The following DMD variants were observed in gnomAD, a reference collection of about 807,000 sequenced individuals.
DMD encodes dystrophin.
DMD carries 63 observed loss-of-function variants against 330.1 expected under a neutral mutation model. That is an observed-to-expected ratio of 0.19 (90% confidence interval 0.16 to 0.24). DMD has a LOEUF of 0.24. DMD is among the 10% of genes least tolerant of loss of function. The pLI, the probability that DMD is intolerant of heterozygous loss-of-function variation, is 1.00. For missense variants in DMD, 3,344 were observed against 2,684.1 expected (o/e 1.25, Z -5.43); for synonymous variants, 1,223 against 959.8 (o/e 1.27, Z -5.07).
At chrX:31,481,428 G>T (rs2068280481) in intron 57 of DMD, among the ~76,000 whole-genome samples, 1 of 111,830 alleles carries the variant, frequency 8.9e-6, no homozygotes, top group South Asian at 3.7e-4. Context: ...TCAGGGCAAT[G>T]GTACCAGGAA....
At chrX:32,554,821 GGAGGGGGAGGGAGAGAGAGAGA>G (rs1415421372) in intron 16 of DMD, among the ~76,000 whole-genome samples, 5 of 7,846 alleles carry the variant, frequency 6.4e-4, no homozygotes, top group East Asian at 0.023. Context: ...AGGGAGGGAG[GGAGGGGGAGGGAGAGAGAGAGA>G]GAGAGAGAGA....
chrX:32,336,579 G>A (rs909218558), intron 41 of DMD, among the ~76,000 whole-genome samples: 4 of 111,232 alleles, frequency 3.6e-5, no homozygotes, highest in Non-Finnish European at 7.5e-5. Flanking sequence ...AGAAGTAACC[G>A]TAAGAGAAAC....
intron 43 of DMD, among the ~76,000 whole-genome samples, chrX:32,255,616 C>A (rs913936330): frequency 1.8e-5 from 2 of 111,942 alleles, no homozygotes; most frequent in Non-Finnish European, 3.8e-5. Context: ...AGTTAAAAGA[C>A]CTTTCATGTT....
chrX:32,735,790 T>G (rs971315451), intron 7 of DMD, among the ~76,000 whole-genome samples: 1 of 111,751 alleles, frequency 8.9e-6, no homozygotes, highest in Non-Finnish European at 1.9e-5. Context: ...AACTTAAACG[T>G]TAGACCTAAA....
At chrX:32,550,968 T>C (rs965347295) in intron 16 of DMD, among the ~76,000 whole-genome samples, 1 of 110,552 alleles carries the variant, frequency 9.0e-6, no homozygotes, top group African/African-American at 3.3e-5. Context: ...AGACCAATAA[T>C]GAGTTCCGAA....
At chrX:31,785,550 A>G (rs186036252) in intron 50 of DMD, among the ~76,000 whole-genome samples, 1 of 111,156 alleles carries the variant, frequency 9.0e-6, no homozygotes, top group Non-Finnish European at 1.9e-5. Context: ...GGTTTGCTGT[A>G]CCCATCAACC....
At chrX:32,617,418 A>C (rs1233736393) in intron 11 of DMD, among the ~76,000 whole-genome samples, 1 of 111,546 alleles carries the variant, frequency 9.0e-6, no homozygotes, top group Non-Finnish European at 1.9e-5. Context: ...ATGCATTTGC[A>C]TTCAACTGAT....
At chrX:31,372,374 G>C (rs2059639115) in intron 60 of DMD, among the ~76,000 whole-genome samples, 1 of 111,828 alleles carries the variant, frequency 8.9e-6, no homozygotes, top group African/African-American at 3.3e-5. Context: ...GTGTCAGCGG[G>C]AATGATAAGG....
intron 2 of DMD, among the ~76,000 whole-genome samples, chrX:32,976,443 A>T (rs1318128501): frequency 1.8e-5 from 2 of 111,649 alleles, no homozygotes; most frequent in African/African-American, 6.5e-5. Context: ...CAGCCTGTTT[A>T]TAAGTATGTG....
intron 55 of DMD, among the ~76,000 whole-genome samples, chrX:31,608,756 T>C (rs754399440): frequency 5.4e-5 from 6 of 110,929 alleles, no homozygotes; most frequent in Non-Finnish European, 1.1e-4. Flanking sequence ...TATAGATCTC[T>C]TAAGGCCTAG....
intron 9 of DMD, among the ~76,000 whole-genome samples, chrX:32,654,399 G>T (rs1230019006): frequency 9.9e-5 from 11 of 111,588 alleles, no homozygotes; most frequent in African/African-American, 2.3e-4. Flanking sequence ...CTGCATCTAT[G>T]GAGATAATCA....
chrX:32,789,857 C>T (rs6653889), intron 7 of DMD, among the ~76,000 whole-genome samples: 3,294 of 111,704 alleles, frequency 0.029, 136 homozygotes, highest in African/African-American at 0.1. Context: ...AAAATCTTTG[C>T]AGGGGAAAAA....
chrX:33,167,553 T>G (rs1249417787), intron 1 of DMD, among the ~76,000 whole-genome samples: 1 of 111,408 alleles, frequency 9.0e-6, no homozygotes, highest in Non-Finnish European at 1.9e-5. Flanking sequence ...TCTTTTTGTC[T>G]GTATTTTAGA....
intron 47 of DMD, among the ~76,000 whole-genome samples, chrX:31,900,686 TAC>T (rs2094410825): frequency 9.0e-6 from 1 of 111,492 alleles, no homozygotes; most frequent in African/African-American, 3.3e-5. Context: ...CAGAGTCTGG[TAC>T]AGTTTGGAGG....
intron 12 of DMD, among the ~76,000 whole-genome samples, chrX:32,612,528 G>T (rs982849898): frequency 9.0e-6 from 1 of 111,110 alleles, no homozygotes; most frequent in Non-Finnish European, 1.9e-5. Context: ...TTCCAATGTC[G>T]CCCAGGGAAG....
At chrX:32,162,839 C>T (rs1266654829) in intron 44 of DMD, among the ~76,000 whole-genome samples, 1 of 109,037 alleles carries the variant, frequency 9.2e-6, no homozygotes, top group Non-Finnish European at 1.9e-5. Flanking sequence ...CTCAGACTCC[C>T]AAAGTGCTGG....
chrX:31,935,535 T>A (rs1046585465), intron 45 of DMD, among the ~76,000 whole-genome samples: 4 of 111,596 alleles, frequency 3.6e-5, no homozygotes, highest in African/African-American at 1.3e-4. Context: ...GCAGATTTAA[T>A]TCCTTGGGTC....
Position 32,979,094 on chromosome X carries a change from A to G in DMD, c.93+41045T>C, listed in dbSNP as rs151058145. 7.6e-3 allele frequency among the ~76,000 whole-genome samples: 854 copies of G among 112,127 alleles called. 10 individuals carry two copies. Among genetic ancestry groups the G allele is most frequent in the African/African-American group, 0.026 (803 of 30,880 alleles). ...ATTCTTAATTTTGTACAAAACCACA[A>G]TTACCAACATATGATCTCCAACTCT... On this transcript the variant is annotated intron_variant, in intron 2 of 78. Coordinates refer to ENST00000357033, the MANE Select transcript of DMD (RefSeq NM_004006.3).
chrX:32,806,576 G>C (rs112363061), intron 7 of DMD, among the ~76,000 whole-genome samples: 2 of 111,341 alleles, frequency 1.8e-5, no homozygotes, highest in Non-Finnish European at 3.8e-5. Context: ...CTTGAACTCA[G>C]CTCTGGACCA....
Sources: gnomAD v4.1 joint callset for allele counts (sites outside exome capture counted in the v4.1 genomes callset) on GRCh38, gnomAD v4.1.1 for gene constraint, MANE v1.5 for transcripts, NCBI Gene and HGNC (gene_info 2026-07-23, HGNC 2026-07-21) for gene names.